Variants in HHAT observed in about 807,000 individuals in gnomAD.
HHAT encodes hedgehog acyltransferase.
Under a neutral mutation model 70.8 loss-of-function variants are expected in HHAT, and 47 were observed. That is an observed-to-expected ratio of 0.66 (90% CI 0.53 to 0.85). The LOEUF (loss-of-function observed/expected upper bound fraction) is 0.85. Ranked by LOEUF, HHAT falls within the 40% of genes least tolerant of loss-of-function variation. The pLI is 0.00. For missense variants in HHAT, 609 were observed against 604.8 expected, an observed-to-expected ratio of 1.01 and a Z score of -0.07; for synonymous variants, 228 against 247.6, an observed-to-expected ratio of 0.92 and a Z score of 0.74.
At chr1:210,604,488 A>G (rs1272897403) in intron 10 of HHAT, among the ~76,000 whole-genome samples, 1 of 152,240 alleles carries the variant, frequency 6.6e-6, no homozygotes, top group African/African-American at 2.4e-5. Flanking sequence ...TTAAAAATAC[A>G]CATACACAGA....
At chr1:210,544,082 C>T (rs922864287) in intron 9 of HHAT, among the ~76,000 whole-genome samples, 1 of 152,128 alleles carries the variant, frequency 6.6e-6, no homozygotes, top group Non-Finnish European at 1.5e-5. Context: ...AAACACTAGA[C>T]CCTAAGAAAA....
At chr1:210,551,027 A>G (rs1178382354) in intron 9 of HHAT, among the ~76,000 whole-genome samples, 2 of 148,792 alleles carry the variant, frequency 1.3e-5, no homozygotes, top group African/African-American at 5.0e-5. Flanking sequence ...ACACAGAGCT[A>G]AAGGACAAAG....
chr1:210,600,523 A>C (rs1212763977), intron 10 of HHAT, among the ~76,000 whole-genome samples: 1 of 152,126 alleles, frequency 6.6e-6, no homozygotes, highest in Non-Finnish European at 1.5e-5. Context: ...GGTAAGGAGG[A>C]ATTAGTCTTC....
At position 210,448,361 on chromosome 1, in the gene HHAT, C is replaced by G. The variant is rs149295111; in HGVS notation, c.857-16144C>G. ...TTTCCCAAAGTGTTGGGATTACAGA[C>G]GTGAGCCACTGCACCCAGCAATTAA... On this transcript the variant is annotated intron_variant, in intron 7 of 11. Transcript: ENST00000261458. 3.3e-5 allele frequency among the ~76,000 whole-genome samples: 5 copies of G among 152,218 alleles called. No homozygotes were observed. In the South Asian group the frequency reaches 1.0e-3, roughly 32 times the overall value.
chr1:210,556,374 C>T (rs544074539), intron 9 of HHAT, among the ~76,000 whole-genome samples: 56 of 152,318 alleles, frequency 3.7e-4, no homozygotes, highest in Admixed American at 8.5e-4. Context: ...TTTATCACTG[C>T]GTCCTCTAGC....
chr1:210,398,429 G>A (rs538308224), intron 4 of HHAT, among the ~76,000 whole-genome samples: 26 of 152,300 alleles, frequency 1.7e-4, no homozygotes, highest in African/African-American at 6.0e-4. Context: ...TAGGGAAACA[G>A]TGGGGGATGA....
intron 8 of HHAT, among the ~76,000 whole-genome samples, chr1:210,494,929 C>A (rs944636034): frequency 1.3e-5 from 2 of 152,074 alleles, no homozygotes; most frequent in African/African-American, 4.8e-5. Context: ...AGGAAAGAGC[C>A]CTGAGCTGGG....
intron 9 of HHAT, among the ~76,000 whole-genome samples, chr1:210,517,141 C>T (rs749382228): frequency 3.3e-5 from 5 of 152,284 alleles, no homozygotes; most frequent in Admixed American, 6.5e-5. Context: ...GGTGACCAAC[C>T]TGGGGAAAGA....
intron 9 of HHAT, among the ~76,000 whole-genome samples, chr1:210,543,994 C>T (rs2095457308): frequency 1.3e-5 from 2 of 152,206 alleles, no homozygotes; most frequent in South Asian, 4.1e-4. Context: ...TTTCTGTTCT[C>T]TGCCCTTGGG....
chr1:210,553,545 T>A (rs1382858196), intron 9 of HHAT, among the ~76,000 whole-genome samples: 1 of 152,184 alleles, frequency 6.6e-6, no homozygotes, highest in East Asian at 1.9e-4. Context: ...GGAGTTACAG[T>A]TCACCTAACA....
At chr1:210,412,185 C>T (rs2092581604) in intron 6 of HHAT, among the ~76,000 whole-genome samples, 1 of 152,152 alleles carries the variant, frequency 6.6e-6, no homozygotes, top group Non-Finnish European at 1.5e-5. Context: ...GCACCATCTC[C>T]TAGTACCATT....
At position 210,455,262 on chromosome 1, in the gene HHAT, G is replaced by A. The variant is rs141793229; in HGVS notation, c.857-9243G>A. 3.7e-4 allele frequency among the ~76,000 whole-genome samples: 56 copies of A among 152,274 alleles called. No individual in the cohort carries two copies. In the East Asian group the frequency reaches 0.011, roughly 29 times the overall value. ...AAAAGGTATCTCTCATTGTGCCTGTGCTTCTTTGACCTGGTATTAGTTAGC... is the reference window on the plus strand; with the variant it reads ...AAAAGGTATCTCTCATTGTGCCTGTACTTCTTTGACCTGGTATTAGTTAGC... On this transcript the variant is annotated intron_variant, in intron 7 of 11. Transcript: ENST00000261458.
intron 10 of HHAT, among the ~76,000 whole-genome samples, chr1:210,623,149 G>T (rs1669184053): frequency 6.6e-6 from 1 of 152,184 alleles, no homozygotes; most frequent in East Asian, 1.9e-4. Context: ...ATGGCTCACT[G>T]CAGCCTCGAA....
intron 7 of HHAT, among the ~76,000 whole-genome samples, chr1:210,435,512 G>A (rs1402040771): frequency 1.3e-5 from 2 of 151,704 alleles, no homozygotes; most frequent in Non-Finnish European, 2.9e-5. Flanking sequence ...GGATCATATG[G>A]TGGTTCTATT....
At chr1:210,334,039 TAA>T (rs2085241052) in intron 1 of HHAT, among the ~76,000 whole-genome samples, 1 of 152,014 alleles carries the variant, frequency 6.6e-6, no homozygotes, top group African/African-American at 2.4e-5. Context: ...TTCATGAAAA[TAA>T]AGATATTTGA....
At chr1:210,442,155 C>T (rs1395538254) in intron 7 of HHAT, among the ~76,000 whole-genome samples, 44 of 147,124 alleles carry the variant, frequency 3.0e-4, no homozygotes, top group Middle Eastern at 7.0e-3. Flanking sequence ...CCAATTTCAT[C>T]CATGTCCCTA....
At chr1:210,403,592 T>C (rs2092184236) in intron 5 of HHAT, among the ~76,000 whole-genome samples, 1 of 152,220 alleles carries the variant, frequency 6.6e-6, no homozygotes, top group Non-Finnish European at 1.5e-5. Flanking sequence ...AGAAACTCTG[T>C]TCAGTGGTTG....
At chr1:210,596,322 A>T (rs988188051) in intron 10 of HHAT, among the ~76,000 whole-genome samples, 2 of 152,088 alleles carry the variant, frequency 1.3e-5, no homozygotes, top group African/African-American at 2.4e-5. Context: ...AATCTATTTG[A>T]TGTTCAGTAA....
intron 8 of HHAT, among the ~76,000 whole-genome samples, chr1:210,506,325 T>G (rs1296137816): frequency 6.6e-6 from 1 of 152,204 alleles, no homozygotes; most frequent in Non-Finnish European, 1.5e-5. Flanking sequence ...TTAGAGATGC[T>G]GCCTGAAAGT....
Sources: gnomAD v4.1 joint callset for allele counts (sites outside exome capture counted in the v4.1 genomes callset) on GRCh38, gnomAD v4.1.1 for gene constraint, MANE v1.5 for transcripts, NCBI Gene and HGNC (gene_info 2026-07-23, HGNC 2026-07-21) for gene names.